NUP210L: variants seen among roughly 807,000 people sequenced by gnomAD.
The protein encoded by NUP210L is nuclear pore membrane glycoprotein 210-like.
A neutral mutation model predicts 208.5 loss-of-function variants in NUP210L; 74 were observed. The ratio of observed to expected loss-of-function variants is 0.35; its 90% CI spans 0.29 to 0.43. The LOEUF is 0.43. Among genes scored for constraint, NUP210L ranks in the 20% least tolerant of loss-of-function variants. The probability of loss-of-function intolerance (pLI) is 1.00; values close to 1 mark genes in which losing one functional copy is unlikely to be tolerated. For missense variants in NUP210L, 1,843 were observed against 2,289.4 expected (o/e 0.81, Z 3.98); for synonymous variants, 780 against 816.9 (o/e 0.95, Z 0.77).
At chr1:154,077,335 C>T (rs1019829145) in intron 16 of NUP210L, among the ~76,000 whole-genome samples, 1 of 151,890 alleles carries the variant, frequency 6.6e-6, no homozygotes, top group Non-Finnish European at 1.5e-5. Context: ...GAGATCATTC[C>T]AGCCTGGGTG....
intron 30 of NUP210L, among the ~76,000 whole-genome samples, chr1:154,025,218 G>A (rs1456732205): frequency 6.6e-6 from 1 of 151,994 alleles, no homozygotes; most frequent in African/African-American, 2.4e-5. Flanking sequence ...GTGAGCCACC[G>A]TGCCCGGCCA....
In NUP210L at chr1:154,118,658, T is replaced by A. The variant is rs370558426; in HGVS notation, c.1464+13A>T. 7.9e-6 allele frequency: 12 copies of A among 1,511,686 alleles called. No homozygotes were observed. In the African/African-American group the frequency reaches 1.2e-4, roughly 16 times the overall value. 93.6% of individuals were successfully genotyped at this position (1,511,686 alleles called of 1,614,324 possible). A position where few individuals can be genotyped will look rare whatever the true frequency, so the allele number is the denominator to read the frequency against. The stretch of plus-strand genomic sequence containing the variant: ...CGGCTTATCTCCTTGTGAAGCCTTA[T>A]AGGACACCATACCTGTACTTTATAA... On this transcript the variant is annotated intron_variant, in intron 11 of 39. Coordinates refer to ENST00000368559, the Ensembl canonical transcript of NUP210L.
intron 12 of NUP210L, among the ~76,000 whole-genome samples, chr1:154,112,745 A>G (rs981934073): frequency 1.3e-5 from 2 of 151,878 alleles, no homozygotes; most frequent in African/African-American, 4.8e-5. Context: ...AGTCCCAGCT[A>G]CTTGAAAAGC....
chr1:154,011,686 T>G (rs1483063075), intron 34 of NUP210L, among the ~76,000 whole-genome samples: 12 of 132,066 alleles, frequency 9.1e-5, no homozygotes, highest in African/African-American at 2.6e-4. Flanking sequence ...TAAGTTTTTT[T>G]TTTTTTTTTT....
intron 17 of NUP210L, among the ~76,000 whole-genome samples, chr1:154,067,697 C>G (rs1040287815): frequency 1.3e-5 from 2 of 152,154 alleles, no homozygotes; most frequent in African/African-American, 2.4e-5. Flanking sequence ...TAGAAAACCC[C>G]ATCATCTCAG....
chr1:154,120,429 A>G (rs1403956950), intron 10 of NUP210L, among the ~76,000 whole-genome samples: 1 of 152,074 alleles, frequency 6.6e-6, no homozygotes, highest in African/African-American at 2.4e-5. Flanking sequence ...TTGAACAATG[A>G]GAACACTTGG....
chr1:154,013,037 C>A (rs1173565870), intron 33 of NUP210L, among the ~76,000 whole-genome samples: 1 of 135,690 alleles, frequency 7.4e-6, no homozygotes, highest in African/African-American at 2.8e-5. Context: ...AAGACGGGGT[C>A]TTGGCCAGGC....
At chr1:154,054,295 G>C in exon 25 of NUP210L, 1 of 1,614,198 alleles carries the variant, frequency 6.2e-7, no homozygotes, top group Non-Finnish European at 8.5e-7. Flanking sequence ...AACCACAGCT[G>C]TGCCAACAAT....
chr1:154,030,106 C>T (rs1652126526), intron 27 of NUP210L, 52 bp from the exon 28 acceptor site: 2 of 1,291,834 alleles, frequency 1.5e-6, no homozygotes, highest in Non-Finnish European at 1.0e-6. Context: ...ACATGGTGTC[C>T]TTCCTTTTTT....
intron 32 of NUP210L, among the ~76,000 whole-genome samples, chr1:154,019,936 A>G (rs1309997731): frequency 6.6e-6 from 1 of 152,160 alleles, no homozygotes; most frequent in Non-Finnish European, 1.5e-5. Context: ...CAAAAAAACA[A>G]ACAAACAAAC....
chr1:154,146,818 C>T (rs1214514631), intron 2 of NUP210L, among the ~76,000 whole-genome samples: 1 of 151,990 alleles, frequency 6.6e-6, no homozygotes, highest in African/African-American at 2.4e-5. Flanking sequence ...CTTCTCCTTC[C>T]TTTATTTTTG....
rs115047195 is a variant in NUP210L, at chr1:154,111,805, C to T, written c.1620+5920G>A. Among the ~76,000 whole-genome samples the T allele has an allele frequency of 7.8e-3, 1,182 of 151,694 alleles. 52 individuals carry two copies. Among genetic ancestry groups the T allele is most frequent in the African/African-American group, 0.028 (1,140 of 41,036 alleles). ...CTATGTGGCCAGTATTACCCTGATA[C>T]AAAAACCAGACAAAGACTTATTAAA... On this transcript the variant is annotated intron_variant, in intron 12 of 39. Coordinates refer to ENST00000368559, the Ensembl canonical transcript of NUP210L.
chr1:154,131,678 A>G (rs2148126149), intron 7 of NUP210L, among the ~76,000 whole-genome samples: 1 of 152,288 alleles, frequency 6.6e-6, no homozygotes, highest in South Asian at 2.1e-4. Context: ...AGTTACTACA[A>G]CCTTTCAGTC....
exon 23 of NUP210L, chr1:154,056,946 G>A: frequency 1.9e-6 from 3 of 1,608,230 alleles, no homozygotes; most frequent in South Asian, 1.1e-5. Flanking sequence ...TGCTCCATTG[G>A]TCTGCAAAAA....
At chr1:154,064,565 T>C (rs564743869) in intron 17 of NUP210L, among the ~76,000 whole-genome samples, 7 of 152,270 alleles carry the variant, frequency 4.6e-5, no homozygotes, top group African/African-American at 1.7e-4. Flanking sequence ...AGCTCTCAAG[T>C]CTTCCTGTAT....
intron 12 of NUP210L, among the ~76,000 whole-genome samples, chr1:154,104,790 T>G (rs1216709855): frequency 1.3e-5 from 2 of 152,100 alleles, no homozygotes; most frequent in Non-Finnish European, 2.9e-5. Flanking sequence ...AAAGGCTGTG[T>G]AGGCCACAAA....
At chr1:154,047,006 C>T (rs956173983) in intron 25 of NUP210L, among the ~76,000 whole-genome samples, 2 of 151,996 alleles carry the variant, frequency 1.3e-5, no homozygotes, top group Admixed American at 6.6e-5. Flanking sequence ...TGCAGTGAGC[C>T]GAGATCATGC....
intron 33 of NUP210L, among the ~76,000 whole-genome samples, chr1:154,013,762 G>T (rs1353320360): frequency 3.3e-5 from 5 of 151,442 alleles, no homozygotes; most frequent in East Asian, 2.0e-4. Context: ...AAGTTTTTTT[G>T]TTTGTTTGTT....
At chr1:154,057,701 T>C (rs1653942303) in intron 22 of NUP210L, among the ~76,000 whole-genome samples, 3 of 147,848 alleles carry the variant, frequency 2.0e-5, no homozygotes, top group Admixed American at 6.7e-5. Flanking sequence ...TGTGTGTGTG[T>C]GTGTGTGTGT....
Sources: gnomAD v4.1 joint callset for allele counts (sites outside exome capture counted in the v4.1 genomes callset) on GRCh38, gnomAD v4.1.1 for gene constraint, MANE v1.5 for transcripts, NCBI Gene and HGNC (gene_info 2026-07-23, HGNC 2026-07-21) for gene names.